Variants in KLHL18 observed in about 807,000 individuals in gnomAD.
The protein encoded by KLHL18 is kelch-like protein 18.
In KLHL18, 38 loss-of-function variants were observed where a neutral mutation model predicts 58.5. That is an observed-to-expected ratio of 0.65 (90% CI 0.50 to 0.85). The LOEUF (loss-of-function observed/expected upper bound fraction) is 0.85. Among genes scored for constraint, KLHL18 ranks in the 40% least tolerant of loss-of-function variants. The pLI is 0.00. For synonymous variants in KLHL18, 303 were observed against 301.9 expected (o/e 1.00, Z -0.04); for missense variants, 624 against 778.4 (o/e 0.80, Z 2.36).
At chr3:47,340,431 A>G in intron 7 of KLHL18, 141 bp from the exon 8 acceptor site, 1 of 1,240,254 alleles carries the variant, frequency 8.1e-7, no homozygotes, top group Non-Finnish European at 1.1e-6. Context: ...CTGTCACCTC[A>G]GTTTTATGCC....
intron 1 of KLHL18, among the ~76,000 whole-genome samples, chr3:47,305,582 ACTGT>A (rs1169715739): frequency 2.0e-5 from 3 of 151,790 alleles, no homozygotes; most frequent in African/African-American, 7.3e-5. Context: ...CTTGTTTTAT[ACTGT>A]CTGTCTAGTT....
At chr3:47,314,491 C>CTT (rs35538412) in intron 1 of KLHL18, among the ~76,000 whole-genome samples, 75 of 148,258 alleles carry the variant, frequency 5.1e-4, no homozygotes, top group Middle Eastern at 3.4e-3. Context: ...TGTTTTTTGT[C>CTT]TTTTTTTTTT....
chr3:47,314,491 C>T (rs1347563802), intron 1 of KLHL18, among the ~76,000 whole-genome samples: 1 of 148,214 alleles, frequency 6.7e-6, no homozygotes, highest in Admixed American at 6.7e-5. Flanking sequence ...TGTTTTTTGT[C>T]TTTTTTTTTT....
At chr3:47,324,429 G>A (rs180939616) in intron 3 of KLHL18, among the ~76,000 whole-genome samples, 10 of 149,772 alleles carry the variant, frequency 6.7e-5, no homozygotes, top group Admixed American at 2.0e-4. Flanking sequence ...GACGAGCCTC[G>A]AATCTTCACC....
At chr3:47,310,545 G>A (rs1703273288) in intron 1 of KLHL18, among the ~76,000 whole-genome samples, 1 of 152,144 alleles carries the variant, frequency 6.6e-6, no homozygotes, top group Non-Finnish European at 1.5e-5. Context: ...TTTGAGCCCA[G>A]ACTTATCTCT....
chr3:47,332,833 C>G (rs1179116037), intron 4 of KLHL18, among the ~76,000 whole-genome samples: 4 of 151,852 alleles, frequency 2.6e-5, no homozygotes, highest in African/African-American at 9.7e-5. Flanking sequence ...TGCCGGAGTA[C>G]AGAGAGGGTG....
At chr3:47,316,618 T>C (rs1032290400) in intron 1 of KLHL18, among the ~76,000 whole-genome samples, 25 of 144,174 alleles carry the variant, frequency 1.7e-4, no homozygotes, top group African/African-American at 6.3e-4. Flanking sequence ...TGTGTGTATA[T>C]ATACATATAT....
intron 3 of KLHL18, among the ~76,000 whole-genome samples, chr3:47,324,255 A>G (rs1278552700): frequency 7.3e-6 from 1 of 136,402 alleles, no homozygotes; most frequent in Non-Finnish European, 1.6e-5. Context: ...TCTTTTTCCC[A>G]CAGAACTTGG....
chr3:47,321,873 C>T (rs1368946531), intron 2 of KLHL18, among the ~76,000 whole-genome samples: 1 of 152,028 alleles, frequency 6.6e-6, no homozygotes, highest in Non-Finnish European at 1.5e-5. Context: ...GAAGAGCCCT[C>T]CAAACAGGGA....
rs913764322 is a variant in KLHL18, at chr3:47,345,095, C to A, written c.*1154C>A. 2.0e-5 allele frequency: 3 copies of A among 152,318 alleles called. No homozygotes were observed. Among genetic ancestry groups the A allele is most frequent in the African/African-American group, 7.2e-5 (3 of 41,428 alleles). 9.4% of individuals were successfully genotyped at this position (152,318 alleles called of 1,614,324 possible). On this transcript the variant is annotated 3_prime_UTR_variant, in exon 10 of 10. Coordinates refer to ENST00000232766, the MANE Select transcript of KLHL18 (RefSeq NM_025010.5). ...TCACTAACATTGCTTCCTTTTTTGA[C>A]CAGCAGGAAACAGCAGGTCTGGCCA...
At chr3:47,298,717 C>G (rs1194030946) in intron 1 of KLHL18, among the ~76,000 whole-genome samples, 1 of 152,156 alleles carries the variant, frequency 6.6e-6, no homozygotes, top group Non-Finnish European at 1.5e-5. Flanking sequence ...CATCCAGCCC[C>G]CTCCCACCCA....
At chr3:47,322,276 T>C (rs1018957029) in intron 2 of KLHL18, among the ~76,000 whole-genome samples, 3 of 152,246 alleles carry the variant, frequency 2.0e-5, no homozygotes, top group African/African-American at 7.2e-5. Context: ...TATATCCATA[T>C]AATTCATGCA....
At chr3:47,339,322 C>G (rs1369697374) in intron 7 of KLHL18, among the ~76,000 whole-genome samples, 1 of 151,472 alleles carries the variant, frequency 6.6e-6, no homozygotes, top group African/African-American at 2.4e-5. Flanking sequence ...TAGTGAGACC[C>G]CCGTCTATAC....
chr3:47,297,092 T>G (rs1702912459), intron 1 of KLHL18, among the ~76,000 whole-genome samples: 1 of 152,190 alleles, frequency 6.6e-6, no homozygotes, highest in South Asian at 2.1e-4. Flanking sequence ...CAAGTCCTTT[T>G]TTAGTGTCAG....
At chr3:47,315,711 TA>T (rs1482180888) in intron 1 of KLHL18, among the ~76,000 whole-genome samples, 2 of 152,160 alleles carry the variant, frequency 1.3e-5, no homozygotes, top group African/African-American at 2.4e-5. Flanking sequence ...ACCAGACATT[TA>T]AAGAAAACCT....
At chr3:47,321,531 G>A (rs959101533) in intron 2 of KLHL18, among the ~76,000 whole-genome samples, 3 of 151,924 alleles carry the variant, frequency 2.0e-5, no homozygotes, top group Non-Finnish European at 4.4e-5. Context: ...TGTATTTTTA[G>A]TAGACACAGG....
intron 3 of KLHL18, among the ~76,000 whole-genome samples, chr3:47,323,569 CCTT>C (rs1331922686): frequency 1.3e-5 from 2 of 152,196 alleles, no homozygotes; most frequent in African/African-American, 4.8e-5. Flanking sequence ...TCTCCTGTGA[CCTT>C]CTGCCTGAGC....
At chr3:47,294,509 A>C (rs1310057917) in intron 1 of KLHL18, among the ~76,000 whole-genome samples, 1 of 152,140 alleles carries the variant, frequency 6.6e-6, no homozygotes, top group Non-Finnish European at 1.5e-5. Flanking sequence ...AGGATATCTG[A>C]AGGCAGAGGG....
rs1424376246 is a variant in KLHL18 at position 47,319,574 on chromosome 3, G to A, written c.130-79G>A. 2.6e-6 allele frequency: 4 copies of A among 1,511,324 alleles called. No homozygotes were observed. In the African/African-American group the frequency reaches 5.5e-5, roughly 21 times the overall value. 93.6% of individuals were successfully genotyped at this position (1,511,324 alleles called of 1,614,324 possible). ...GGTATGCTGTGGAGCCGGGCGGAGG[G>A]GCAGGGTGGGTTTTTTTGTTTGTTT... On this transcript the variant is annotated intron_variant, in intron 1 of 9. Coordinates refer to ENST00000232766, the MANE Select transcript of KLHL18 (RefSeq NM_025010.5).
Sources: allele counts gnomAD v4.1 joint callset (sites outside exome capture counted in the v4.1 genomes callset), GRCh38; gene constraint gnomAD v4.1.1; transcripts MANE v1.5; gene names NCBI Gene and HGNC (gene_info 2026-07-23, HGNC 2026-07-21).